The following IGF2BP3 variants were observed in gnomAD, a reference collection of about 807,000 sequenced individuals.
The protein encoded by IGF2BP3 is insulin like growth factor 2 mRNA binding protein 3, also known as insulin-like growth factor 2 mRNA-binding protein 3.
IGF2BP3 carries 9 observed loss-of-function variants against 73.8 expected under a neutral mutation model. That is an observed-to-expected ratio of 0.12 (90% CI 0.07 to 0.21). IGF2BP3 has a LOEUF of 0.21. Ranked by LOEUF, IGF2BP3 falls within the 10% of genes least tolerant of loss-of-function variation. IGF2BP3 has a pLI of 1.00. For synonymous variants in IGF2BP3, 258 were observed against 256.7 expected, an observed-to-expected ratio of 1.01 and a Z score of -0.05; for missense variants, 542 against 714.0, an observed-to-expected ratio of 0.76 and a Z score of 2.75.
rs969782994 is a variant in IGF2BP3, at chr7:23,319,885, T to C, written c.1204-631A>G. Among the ~76,000 whole-genome samples the C allele has an allele frequency of 9.2e-5, 14 of 152,254 alleles. No homozygotes were observed. In the East Asian group the frequency reaches 1.5e-3, roughly 17 times the overall value. Reference sequence around the variant, plus strand: ...TGCCCTAAGATGCTTTCCCACAGAATTCCTTATTCCTTCCATCTGTGCCTT... The same window carrying C: ...TGCCCTAAGATGCTTTCCCACAGAACTCCTTATTCCTTCCATCTGTGCCTT... On this transcript the variant is annotated intron_variant, in intron 10 of 14. Coordinates refer to ENST00000258729, the MANE Select transcript of IGF2BP3 (RefSeq NM_006547.3).
intron 3 of IGF2BP3, among the ~76,000 whole-genome samples, chr7:23,376,117 C>T (rs1049632645): frequency 3.9e-5 from 6 of 152,304 alleles, no homozygotes; most frequent in Non-Finnish European, 4.4e-5. Flanking sequence ...AACACAGCAG[C>T]TCCACTTGCA....
intron 3 of IGF2BP3, among the ~76,000 whole-genome samples, chr7:23,406,650 G>A (rs1297352188): frequency 2.0e-5 from 3 of 152,162 alleles, no homozygotes; most frequent in Admixed American, 6.6e-5. Flanking sequence ...AGCTTCCACA[G>A]TGTGGAAGGG....
At chr7:23,357,063 G>A (rs1260866317) in intron 5 of IGF2BP3, among the ~76,000 whole-genome samples, 1 of 152,058 alleles carries the variant, frequency 6.6e-6, no homozygotes, top group Non-Finnish European at 1.5e-5. Context: ...ATTTAACAGT[G>A]GTTATCCCTG....
chr7:23,400,319 C>T (rs1786618356), intron 3 of IGF2BP3, among the ~76,000 whole-genome samples: 1 of 152,142 alleles, frequency 6.6e-6, no homozygotes, highest in Non-Finnish European at 1.5e-5. Context: ...TTGGAGTTTT[C>T]ACCATTAGAA....
At chr7:23,359,603 T>C (rs960246821) in intron 5 of IGF2BP3, among the ~76,000 whole-genome samples, 1 of 152,090 alleles carries the variant, frequency 6.6e-6, no homozygotes, top group African/African-American at 2.4e-5. Flanking sequence ...TCCCAGCATT[T>C]TGGGAGGCTG....
At chr7:23,439,427 C>T (rs1334543379) in intron 2 of IGF2BP3, among the ~76,000 whole-genome samples, 8 of 151,028 alleles carry the variant, frequency 5.3e-5, no homozygotes, top group East Asian at 3.9e-4. Context: ...GGTGTGGTGG[C>T]GGGCGCCTGT....
intron 3 of IGF2BP3, among the ~76,000 whole-genome samples, chr7:23,380,911 C>T (rs944781293): frequency 6.6e-6 from 1 of 152,216 alleles, no homozygotes; most frequent in African/African-American, 2.4e-5. Context: ...TTTTAAGCTT[C>T]CCAGTTTGTG....
Position 23,321,374 on chromosome 7 carries a change from A to C in IGF2BP3, c.1204-2120T>G, listed in dbSNP as rs181130437. On this transcript the variant is annotated intron_variant, in intron 10 of 14. Coordinates refer to ENST00000258729, the MANE Select transcript of IGF2BP3 (RefSeq NM_006547.3). ...ACTGCGCTTTTCCGACGGGCTTAAA[A>C]AACGGCACACCAGGAGATTATATCC... Among the ~76,000 whole-genome samples, 848 of 152,310 alleles carry C rather than the reference A, an allele frequency of 5.6e-3. 3 individuals carry two copies. The highest frequency in any genetic ancestry group is 0.02 in the African/African-American group (818 of 41,564).
At chr7:23,365,457 CAAT>C (rs1259608458) in intron 3 of IGF2BP3, among the ~76,000 whole-genome samples, 3 of 152,142 alleles carry the variant, frequency 2.0e-5, no homozygotes, top group Non-Finnish European at 4.4e-5. Flanking sequence ...ACTAAACCTA[CAAT>C]AATGTCAAGG....
At chr7:23,417,179 G>A (rs1345392816) in intron 3 of IGF2BP3, among the ~76,000 whole-genome samples, 1 of 152,136 alleles carries the variant, frequency 6.6e-6, no homozygotes, top group African/African-American at 2.4e-5. Flanking sequence ...TATTCCTAAC[G>A]AACTCTCAAT....
chr7:23,444,515 T>C (rs1247578380), intron 2 of IGF2BP3, among the ~76,000 whole-genome samples: 1 of 151,674 alleles, frequency 6.6e-6, no homozygotes. Context: ...CCAAAGCAAA[T>C]GGATCACTTG....
At chr7:23,388,301 GAA>G (rs1786153478) in intron 3 of IGF2BP3, among the ~76,000 whole-genome samples, 1 of 152,140 alleles carries the variant, frequency 6.6e-6, no homozygotes, top group African/African-American at 2.4e-5. Flanking sequence ...TTACCTGAGA[GAA>G]ATGAATATAC....
At chr7:23,317,209 G>C (rs1032081037) in intron 12 of IGF2BP3, among the ~76,000 whole-genome samples, 1 of 152,208 alleles carries the variant, frequency 6.6e-6, no homozygotes, top group Non-Finnish European at 1.5e-5. Context: ...CCAGGGATTA[G>C]AGAGATTTGT....
intron 10 of IGF2BP3, among the ~76,000 whole-genome samples, chr7:23,328,567 A>G (rs543460808): frequency 6.6e-6 from 1 of 152,340 alleles, no homozygotes; most frequent in Non-Finnish European, 1.5e-5. Flanking sequence ...TTCTTTGAAT[A>G]TAAGGAATAA....
At chr7:23,396,138 C>T (rs1002039745) in intron 3 of IGF2BP3, among the ~76,000 whole-genome samples, 1 of 151,310 alleles carries the variant, frequency 6.6e-6, no homozygotes, top group African/African-American at 2.4e-5. Flanking sequence ...AGCAAGTCCA[C>T]ACCAGCCATT....
intron 2 of IGF2BP3, among the ~76,000 whole-genome samples, chr7:23,440,141 C>T (rs895790812): frequency 6.6e-6 from 1 of 151,858 alleles, no homozygotes; most frequent in Non-Finnish European, 1.5e-5. Context: ...CACGCGCCTG[C>T]AGTCCCAGCT....
chr7:23,317,421 G>A (rs1784021101), intron 12 of IGF2BP3, among the ~76,000 whole-genome samples: 1 of 152,158 alleles, frequency 6.6e-6, no homozygotes, highest in African/African-American at 2.4e-5. Flanking sequence ...ATTAACCTTT[G>A]AGAGACAGGT....
chr7:23,457,953 A>G (rs1265987857), intron 2 of IGF2BP3, among the ~76,000 whole-genome samples: 4 of 152,250 alleles, frequency 2.6e-5, no homozygotes, highest in African/African-American at 9.6e-5. Flanking sequence ...CACCACCTGC[A>G]GATTATTACT....
At chr7:23,462,058 G>T (rs1300264909) in intron 2 of IGF2BP3, among the ~76,000 whole-genome samples, 1 of 152,206 alleles carries the variant, frequency 6.6e-6, no homozygotes, top group Non-Finnish European at 1.5e-5. Context: ...TTGGAGAAAG[G>T]TTACAAGGAC....
Sources: gnomAD v4.1 joint callset for allele counts (sites outside exome capture counted in the v4.1 genomes callset) on GRCh38, gnomAD v4.1.1 for gene constraint, MANE v1.5 for transcripts, NCBI Gene and HGNC (gene_info 2026-07-23, HGNC 2026-07-21) for gene names.